The following IMMP2L variants were observed in gnomAD, a reference collection of about 807,000 sequenced individuals.
IMMP2L encodes the protein inner mitochondrial membrane peptidase subunit 2, also known as mitochondrial inner membrane protease subunit 2.
A neutral mutation model predicts 19.3 loss-of-function variants in IMMP2L; 18 were observed. The observed-to-expected ratio is 0.93, with a 90% CI of 0.64 to 1.38. The LOEUF (loss-of-function observed/expected upper bound fraction) is 1.38. IMMP2L is among the 40% of genes most tolerant of loss of function. IMMP2L has a pLI of 0.00. For synonymous variants in IMMP2L, 76 were observed against 73.0 expected (o/e 1.04, Z -0.21); for missense variants, 233 against 218.2 (o/e 1.07, Z -0.43).
At chr7:111,204,540 A>G (rs1214660843) in intron 3 of IMMP2L, among the ~76,000 whole-genome samples, 5 of 152,162 alleles carry the variant, frequency 3.3e-5, no homozygotes, top group Admixed American at 3.3e-4. Context: ...TGATATTATA[A>G]TGATCTACCA....
At chr7:110,966,461 T>G (rs1819552905) in intron 3 of IMMP2L, among the ~76,000 whole-genome samples, 1 of 151,928 alleles carries the variant, frequency 6.6e-6, no homozygotes, top group African/African-American at 2.4e-5. Context: ...TTAACATTAA[T>G]GAAATAATAT....
intron 3 of IMMP2L, among the ~76,000 whole-genome samples, chr7:111,078,708 T>C (rs71572835): frequency 6.6e-6 from 1 of 151,914 alleles, no homozygotes; most frequent in East Asian, 1.9e-4. Flanking sequence ...AATAAAGCTG[T>C]GGTATTTTTT....
chr7:110,943,836 C>A (rs1816970694), intron 4 of IMMP2L, among the ~76,000 whole-genome samples: 1 of 151,984 alleles, frequency 6.6e-6, no homozygotes. Context: ...ACAATCCCTG[C>A]AGCACTTATG....
Position 111,308,732 on chromosome 7 carries a change from T to TG in IMMP2L, c.239+178505dup, listed in dbSNP as rs1430245283. 3.3e-5 allele frequency among the ~76,000 whole-genome samples: 5 copies of TG among 151,956 alleles called. No homozygotes were observed. In the East Asian group the frequency reaches 5.8e-4, roughly 18 times the overall value. On this transcript the variant is annotated intron_variant, in intron 3 of 5. Coordinates refer to ENST00000405709, the MANE Select transcript of IMMP2L (RefSeq NM_032549.4). ...AATAAAAAATTCTCAGGAGAAATTT[T>TG]GGGGGAAAAAAAGATGTATTCTTCA...
At chr7:111,379,425 A>G (rs1374442726) in intron 3 of IMMP2L, among the ~76,000 whole-genome samples, 1 of 151,818 alleles carries the variant, frequency 6.6e-6, no homozygotes, top group East Asian at 1.9e-4. Context: ...TAAAAACTGC[A>G]AAATATGTCA....
intron 3 of IMMP2L, among the ~76,000 whole-genome samples, chr7:111,099,010 C>A (rs759388902): frequency 6.6e-6 from 1 of 151,646 alleles, no homozygotes; most frequent in Non-Finnish European, 1.5e-5. Flanking sequence ...AGGAGTGATG[C>A]TTTAATTATT....
chr7:111,175,814 G>A (rs1292937184), intron 3 of IMMP2L, among the ~76,000 whole-genome samples: 1 of 151,756 alleles, frequency 6.6e-6, no homozygotes, highest in African/African-American at 2.4e-5. Flanking sequence ...GCACAGCAAA[G>A]AAAACAATCA....
chr7:110,737,548 G>T (rs1275842154), intron 5 of IMMP2L, among the ~76,000 whole-genome samples: 1 of 152,194 alleles, frequency 6.6e-6, no homozygotes, highest in African/African-American at 2.4e-5. Flanking sequence ...GCTCAGACAT[G>T]CCTGTCTCTG....
At chr7:111,148,523 T>C (rs2129601583) in intron 3 of IMMP2L, among the ~76,000 whole-genome samples, 1 of 152,188 alleles carries the variant, frequency 6.6e-6, no homozygotes, top group Middle Eastern at 3.4e-3. Context: ...ATATGAATTA[T>C]ATCTCAATAA....
chr7:111,321,485 ATT>A lies in IMMP2L; in HGVS notation c.239+165751_239+165752del, dbSNP rs138112392. Among the ~76,000 whole-genome samples, 1,161 of 152,026 alleles carry A rather than the reference ATT, an allele frequency of 7.6e-3. 45 individuals are homozygous for A. The East Asian group carries it at 0.11, about 14-fold the overall frequency. On this transcript the variant is annotated intron_variant, in intron 3 of 5. Coordinates refer to ENST00000405709, the MANE Select transcript of IMMP2L (RefSeq NM_032549.4). ...TCAATGTCTCAAATTAAATGCAAAT[ATT>A]CTCATGGAAAAAAAACTACAACAAT... is the stretch of plus-strand genomic sequence containing the variant.
At chr7:111,557,330 C>T (rs1414158274) in intron 1 of IMMP2L, among the ~76,000 whole-genome samples, 1 of 152,078 alleles carries the variant, frequency 6.6e-6, no homozygotes, top group African/African-American at 2.4e-5. Context: ...AAGAAGTGTA[C>T]CCTGAACTGG....
intron 3 of IMMP2L, among the ~76,000 whole-genome samples, chr7:111,281,953 A>G (rs1819932959): frequency 6.6e-6 from 1 of 152,158 alleles, no homozygotes. Context: ...ATTGTTGCTA[A>G]GTTATTTAGT....
intron 3 of IMMP2L, among the ~76,000 whole-genome samples, chr7:111,382,326 G>A (rs1182316117): frequency 1.3e-5 from 2 of 151,170 alleles, no homozygotes; most frequent in African/African-American, 4.9e-5. Context: ...TAATTTCAGA[G>A]AAGCATTGAA....
At chr7:111,205,420 A>T (rs1810590958) in intron 3 of IMMP2L, among the ~76,000 whole-genome samples, 1 of 152,206 alleles carries the variant, frequency 6.6e-6, no homozygotes, top group African/African-American at 2.4e-5. Flanking sequence ...TCACTGCTAC[A>T]GTTGTCCAAA....
chr7:110,776,796 C>A (rs930951266), intron 5 of IMMP2L, among the ~76,000 whole-genome samples: 1 of 152,132 alleles, frequency 6.6e-6, no homozygotes, highest in African/African-American at 2.4e-5. Flanking sequence ...CCTTCTTGGT[C>A]AAGCTTTCTC....
chr7:111,239,360 G>A (rs536524225), intron 3 of IMMP2L, among the ~76,000 whole-genome samples: 18 of 151,872 alleles, frequency 1.2e-4, no homozygotes, highest in African/African-American at 4.3e-4. Context: ...CTATTCAAAC[G>A]AATTAACAAC....
At chr7:111,463,361 T>C (rs1163209181) in intron 3 of IMMP2L, among the ~76,000 whole-genome samples, 2 of 152,284 alleles carry the variant, frequency 1.3e-5, no homozygotes, top group African/African-American at 4.8e-5. Context: ...TTAATCTCTG[T>C]TGCCCTCTAA....
intron 3 of IMMP2L, among the ~76,000 whole-genome samples, chr7:111,009,317 T>C (rs1414571651): frequency 2.6e-5 from 4 of 152,132 alleles, no homozygotes; most frequent in Non-Finnish European, 5.9e-5. Flanking sequence ...CACTCAACAC[T>C]ATATTAGTAA....
At chr7:111,470,283 T>C (rs998962516) in intron 3 of IMMP2L, among the ~76,000 whole-genome samples, 2 of 151,958 alleles carry the variant, frequency 1.3e-5, no homozygotes, top group Non-Finnish European at 2.9e-5. Flanking sequence ...GGTGGGACTG[T>C]AAACTAGTTC....
Sources: gnomAD v4.1 joint callset for allele counts (sites outside exome capture counted in the v4.1 genomes callset) on GRCh38, gnomAD v4.1.1 for gene constraint, MANE v1.5 for transcripts, NCBI Gene and HGNC (gene_info 2026-07-23, HGNC 2026-07-21) for gene names.